The following KLHL20 variants were observed in gnomAD, a reference collection of about 807,000 sequenced individuals.
KLHL20 encodes kelch like family member 20.
Under a neutral mutation model 69.5 loss-of-function variants are expected in KLHL20, and 29 were observed. That is an observed-to-expected ratio of 0.42 (90% CI 0.31 to 0.57). KLHL20 has a LOEUF of 0.57. KLHL20 is among the 20% of genes least tolerant of loss of function. KLHL20 has a pLI of 0.18. For synonymous variants in KLHL20, 253 were observed against 265.2 expected (o/e 0.95, Z 0.45); for missense variants, 419 against 776.0 (o/e 0.54, Z 5.47).
chr1:173,715,170 C>A (rs1400141797), intron 1 of KLHL20, 92 bp downstream of exon 1: 2 of 152,412 alleles, frequency 1.3e-5, no homozygotes, highest in Admixed American at 6.5e-5. Context: ...CTGAGCTGCC[C>A]CATGGGGTCA....
intron 10 of KLHL20, among the ~76,000 whole-genome samples, chr1:173,776,138 G>A (rs1220699318): frequency 1.3e-5 from 2 of 152,176 alleles, no homozygotes; most frequent in African/African-American, 2.4e-5. Context: ...TAACTGGGGT[G>A]AGATGACATC....
intron 2 of KLHL20, among the ~76,000 whole-genome samples, chr1:173,728,208 A>C (rs1008917433): frequency 6.6e-6 from 1 of 152,212 alleles, no homozygotes; most frequent in Non-Finnish European, 1.5e-5. Context: ...CTAAATATAT[A>C]TGCACCCAAT....
intron 3 of KLHL20, among the ~76,000 whole-genome samples, chr1:173,740,836 C>T (rs564113009): frequency 6.6e-6 from 1 of 151,966 alleles, no homozygotes; most frequent in Non-Finnish European, 1.5e-5. Context: ...GGATTCTGCC[C>T]AGGAAAATTT....
rs1649147054 is a variant in KLHL20 at position 173,785,398 on chromosome 1, C to T, written c.*151C>T. On this transcript the variant is annotated 3_prime_UTR_variant, in exon 12 of 12. Transcript: ENST00000209884. ...ATACAATCCAATGAAAGTACTTCAC[C>T]TGCAAGATGCACAATAATTTTCAAC... 2 of 412,470 alleles carry T rather than the reference C, an allele frequency of 4.8e-6. No individual in the cohort carries two copies. Among genetic ancestry groups the T allele is most frequent in the Admixed American group, 4.5e-5 (1 of 22,008 alleles). The allele number at this position is 412,470 out of a possible 1,614,324, so 25.6% of individuals were successfully genotyped here. A position where few individuals can be genotyped will look rare whatever the true frequency, so the allele number is the denominator to read the frequency against.
chr1:173,766,714 A>C (rs1647743617), intron 8 of KLHL20, among the ~76,000 whole-genome samples: 2 of 151,834 alleles, frequency 1.3e-5, no homozygotes, highest in South Asian at 4.2e-4. Flanking sequence ...TATTCAGTGG[A>C]TTTCCCATAG....
At chr1:173,778,225 C>T (rs1457675887) in intron 10 of KLHL20, among the ~76,000 whole-genome samples, 2 of 151,878 alleles carry the variant, frequency 1.3e-5, no homozygotes, top group Non-Finnish European at 2.9e-5. Flanking sequence ...TCCCTCAGCC[C>T]CCCACCCCCC....
At chr1:173,783,951 C>T (rs1278629414) in intron 11 of KLHL20, among the ~76,000 whole-genome samples, 4 of 151,786 alleles carry the variant, frequency 2.6e-5, no homozygotes, top group African/African-American at 7.3e-5. Flanking sequence ...GCCAAGCGCA[C>T]GCCTGTAATC....
At chr1:173,770,901 G>C (rs1158802167) in intron 8 of KLHL20, among the ~76,000 whole-genome samples, 1 of 151,828 alleles carries the variant, frequency 6.6e-6, no homozygotes, top group African/African-American at 2.4e-5. Context: ...TATATCCTTC[G>C]AATATTGACC....
At chr1:173,741,966 C>A in intron 3 of KLHL20, 1 of 714,956 alleles carries the variant, frequency 1.4e-6, no homozygotes, top group Admixed American at 2.4e-5. Context: ...GAAACCATCT[C>A]GATAAACACA....
intron 9 of KLHL20, 112 bp downstream of exon 9, chr1:173,774,550 T>G: frequency 8.1e-7 from 1 of 1,230,858 alleles, no homozygotes. Flanking sequence ...ACTAGGAAAA[T>G]GCCTGATTTT....
chr1:173,766,941 C>T (rs964368399), intron 8 of KLHL20, among the ~76,000 whole-genome samples: 4 of 152,110 alleles, frequency 2.6e-5, no homozygotes, highest in African/African-American at 9.7e-5. Flanking sequence ...AATCTACTCT[C>T]AAGTGTATAA....
At chr1:173,782,463 T>C (rs374501177) in intron 11 of KLHL20, among the ~76,000 whole-genome samples, 2 of 151,580 alleles carry the variant, frequency 1.3e-5, no homozygotes, top group East Asian at 1.9e-4. Context: ...ATGGGTAAAA[T>C]AGGGAAAAAA....
intron 3 of KLHL20, among the ~76,000 whole-genome samples, chr1:173,737,314 G>A (rs1425867373): frequency 6.6e-6 from 1 of 152,152 alleles, no homozygotes; most frequent in African/African-American, 2.4e-5. Context: ...TGTCTAGAAG[G>A]GTTTCTCCAA....
intron 8 of KLHL20, among the ~76,000 whole-genome samples, chr1:173,774,013 CAAAAA>C (rs34034171): frequency 2.8e-5 from 3 of 108,116 alleles, no homozygotes; most frequent in Non-Finnish European, 3.9e-5. Flanking sequence ...GACTCCATCT[CAAAAA>C]AAAAAAAAAA....
intron 2 of KLHL20, among the ~76,000 whole-genome samples, chr1:173,733,176 C>T (rs1004174960): frequency 6.6e-6 from 1 of 151,886 alleles, no homozygotes; most frequent in Non-Finnish European, 1.5e-5. Context: ...TGTGCCACCA[C>T]ACACGGCTAA....
intron 2 of KLHL20, among the ~76,000 whole-genome samples, chr1:173,729,239 C>G (rs1194608545): frequency 6.6e-6 from 1 of 152,082 alleles, no homozygotes; most frequent in African/African-American, 2.4e-5. Flanking sequence ...TAATAGCTTA[C>G]CAACCAAAAA....
intron 2 of KLHL20, among the ~76,000 whole-genome samples, chr1:173,724,867 A>G (rs1671884884): frequency 6.6e-6 from 1 of 152,226 alleles, no homozygotes. Context: ...ACATAATAAA[A>G]GTATTTTAGG....
At chr1:173,751,064 A>G (rs922788681) in intron 3 of KLHL20, among the ~76,000 whole-genome samples, 3 of 152,146 alleles carry the variant, frequency 2.0e-5, no homozygotes, top group Admixed American at 6.5e-5. Context: ...CGTGAAGGGT[A>G]GGAGTGACTG....
intron 2 of KLHL20, among the ~76,000 whole-genome samples, chr1:173,727,219 G>A (rs551676737): frequency 1.2e-4 from 18 of 151,780 alleles, no homozygotes; most frequent in Admixed American, 8.5e-4. Flanking sequence ...AAAAAAAAAC[G>A]AGCAAAGCCT....
Sources: allele counts gnomAD v4.1 joint callset (sites outside exome capture counted in the v4.1 genomes callset), GRCh38; gene constraint gnomAD v4.1.1; transcripts MANE v1.5; gene names NCBI Gene and HGNC (gene_info 2026-07-23, HGNC 2026-07-21).